ANKRD36: variants seen among roughly 807,000 people sequenced by gnomAD.
ANKRD36 encodes ankyrin repeat domain 36.
In ANKRD36, 179 loss-of-function variants were observed where a neutral mutation model predicts 278.1. The observed-to-expected ratio is 0.64, with a 90% CI of 0.57 to 0.73. ANKRD36 has a LOEUF of 0.73. Among genes scored for constraint, ANKRD36 ranks in the 30% least tolerant of loss-of-function variants. The pLI is 0.00. For synonymous variants in ANKRD36, 320 were observed against 641.1 expected (o/e 0.50, Z 7.57); for missense variants, 1,159 against 1,956.7 (o/e 0.59, Z 7.69).
In ANKRD36 at chr2:97,190,013, G is replaced by A. The variant is rs1400166479; in HGVS notation, c.2245+723G>A. Among the ~76,000 whole-genome samples, 13 of 85,454 alleles carry A rather than the reference G, an allele frequency of 1.5e-4. 2 individuals are homozygous for A. The highest frequency in any genetic ancestry group is 5.3e-4 in the South Asian group (2 of 3,780). The allele number at this position is 85,454 out of a possible 152,430, so 56.1% of individuals were successfully genotyped here. ...TTTTGTTGACTTTACTTATAAAAAT[G>A]AGATAAAGTTGAATATGAATACATT... On this transcript the variant is annotated intron_variant, in intron 34 of 75. Transcript: ENST00000420699.
At chr2:97,137,056 G>A (rs551512565) in intron 6 of ANKRD36, among the ~76,000 whole-genome samples, 3 of 152,108 alleles carry the variant, frequency 2.0e-5, no homozygotes, top group African/African-American at 4.8e-5. Flanking sequence ...CTAAAGAACT[G>A]CTTTGTAACA....
chr2:97,180,864 C>A (rs1213431321), intron 24 of ANKRD36, among the ~76,000 whole-genome samples: 2 of 151,594 alleles, frequency 1.3e-5, no homozygotes, highest in South Asian at 2.1e-4. Context: ...TTATTAATAT[C>A]TAATGCTTGT....
chr2:97,220,545 T>C (rs1576252440), intron 66 of ANKRD36, among the ~76,000 whole-genome samples: 1 of 151,472 alleles, frequency 6.6e-6, no homozygotes, highest in Admixed American at 6.6e-5. Context: ...TCCTGTTCCA[T>C]CCATGTCATT....
intron 50 of ANKRD36, among the ~76,000 whole-genome samples, chr2:97,205,584 G>A (rs1444424507): frequency 1.3e-5 from 2 of 151,526 alleles, no homozygotes; most frequent in Admixed American, 1.3e-4. Context: ...GTGGGATCAT[G>A]TAGCACCTGC....
At chr2:97,135,786 A>G (rs1173801431) in intron 6 of ANKRD36, among the ~76,000 whole-genome samples, 1 of 151,962 alleles carries the variant, frequency 6.6e-6, no homozygotes. Context: ...AAATTTTGTC[A>G]TACTACTCAG....
At chr2:97,186,211 TTTG>T (rs1431028667) in intron 30 of ANKRD36, among the ~76,000 whole-genome samples, 1 of 151,706 alleles carries the variant, frequency 6.6e-6, no homozygotes, top group African/African-American at 2.4e-5. Context: ...TTTGTTGATT[TTTG>T]TTATAAAAAT....
intron 5 of ANKRD36, among the ~76,000 whole-genome samples, chr2:97,125,253 G>A (rs1414036902): frequency 6.6e-6 from 1 of 151,330 alleles, no homozygotes; most frequent in East Asian, 1.9e-4. Flanking sequence ...TCCATAAAAA[G>A]GCTTCAAAGT....
chr2:97,213,012 C>A, intron 58 of ANKRD36: 1 of 408,902 alleles, frequency 2.4e-6, no homozygotes, highest in Non-Finnish European at 4.4e-6. Flanking sequence ...AATGTTTGTA[C>A]TATAATGGTG....
chr2:97,206,106 A>G lies in ANKRD36; in HGVS notation c.3134A>G (p.Glu1045Gly), dbSNP rs1472512817. ...EEDSVLSIARENKDGEKSRTV... is the reference protein window; with the variant it reads ...EEDSVLSIARGNKDGEKSRTV... ...GATTCTGTTTTGAGTATAGCCAGAGAAAACAAGGATGGAGAAAAATCTAGG... is the reference window on the plus strand; with the variant it reads ...GATTCTGTTTTGAGTATAGCCAGAGGAAACAAGGATGGAGAAAAATCTAGG... The change falls in exon 52 of 76, where the codon GAA (glutamate) becomes GGA (glycine). Residue 1045 changes from glutamate (E) to glycine (G), a missense_variant. Transcript: ENST00000420699. 2.6e-6 allele frequency: 4 copies of G among 1,547,154 alleles called. No homozygotes were observed. The Admixed American group carries it at 5.9e-5, about 23-fold the overall frequency.
chr2:97,193,012 G>C lies in ANKRD36; in HGVS notation c.2408G>C (p.Ser803Thr). The change falls in exon 38 of 76, where the codon AGT (serine) becomes ACT (threonine). Residue 803 changes from serine (S) to threonine (T), a missense_variant. Transcript: ENST00000420699. ...AGTGACGAGGAAGGTTCTGTTTTGA[G>C]TATAGCCAGAGAAAACAAGGATGGA... ...ATSDEEGSVL[S>T]IARENKDGEK... 6.4e-7 allele frequency: 1 copy of C among 1,572,570 alleles called. No homozygotes were observed. Among genetic ancestry groups the C allele is most frequent in the Non-Finnish European group, 8.6e-7 (1 of 1,160,336 alleles).
chr2:97,183,449 T>C lies in ANKRD36; in HGVS notation c.1838-10T>C. ...CATATGATGGATTATATATTTCTTT[T>C]ACTTTTCAGTGTCTCCTCAGAAACA... is the stretch of plus-strand genomic sequence containing the variant. On this transcript the variant is annotated splice_polypyrimidine_tract_variant and intron_variant, in intron 26 of 75. Coordinates refer to ENST00000420699, the MANE Select transcript of ANKRD36 (RefSeq NM_001354587.1). 6.4e-7 allele frequency: 1 copy of C among 1,554,382 alleles called. No individual in the cohort carries two copies. The highest frequency in any genetic ancestry group is 8.7e-7 in the Non-Finnish European group (1 of 1,147,688).
chr2:97,114,505 TA>T (rs1235380062), intron 1 of ANKRD36, among the ~76,000 whole-genome samples: 2 of 128,874 alleles, frequency 1.6e-5, no homozygotes, highest in African/African-American at 6.0e-5. Flanking sequence ...GCTGCTTCTT[TA>T]TAAATCATTT....
chr2:97,153,607 A>C (rs1465352126), intron 14 of ANKRD36, among the ~76,000 whole-genome samples: 1 of 147,112 alleles, frequency 6.8e-6, no homozygotes, highest in Non-Finnish European at 1.5e-5. Context: ...CAGGTTTCTT[A>C]GTTCAAAACG....
At chr2:97,206,414 T>G (rs1160367761) in intron 52 of ANKRD36, among the ~76,000 whole-genome samples, 2 of 151,482 alleles carry the variant, frequency 1.3e-5, no homozygotes, top group Non-Finnish European at 3.0e-5. Flanking sequence ...ATAGTTTTGC[T>G]TTAATCCTCC....
chr2:97,186,969 C>T (rs879572370), intron 30 of ANKRD36, among the ~76,000 whole-genome samples: 9 of 151,756 alleles, frequency 5.9e-5, no homozygotes, highest in South Asian at 2.1e-4. Context: ...TTTAGATATA[C>T]GAGAAATCAT....
At chr2:97,230,634 C>T (rs1354537128) in intron 67 of ANKRD36, among the ~76,000 whole-genome samples, 2 of 152,114 alleles carry the variant, frequency 1.3e-5, no homozygotes. Context: ...CTTCTTCTCT[C>T]AACTCGTCAA....
intron 41 of ANKRD36, 26 bp downstream of exon 41, chr2:97,196,647 G>A (rs2059848831): frequency 6.2e-7 from 1 of 1,602,898 alleles, no homozygotes. Context: ...TTTATCATGT[G>A]AACGAGTTAA....
intron 4 of ANKRD36, among the ~76,000 whole-genome samples, chr2:97,123,880 A>G (rs2037712484): frequency 6.8e-6 from 1 of 146,808 alleles, no homozygotes; most frequent in South Asian, 2.1e-4. Context: ...TTTATAGATT[A>G]TATATACTAA....
chr2:97,209,756 A>G (rs2063867081), intron 55 of ANKRD36, 44 bp from the exon 56 acceptor site: 3 of 1,585,208 alleles, frequency 1.9e-6, no homozygotes, highest in South Asian at 2.2e-5. Context: ...CGTATAGCCT[A>G]TGAAAGATAC....
Sources: allele counts gnomAD v4.1 joint callset (sites outside exome capture counted in the v4.1 genomes callset), GRCh38; gene constraint gnomAD v4.1.1; transcripts MANE v1.5; gene names NCBI Gene and HGNC (gene_info 2026-07-23, HGNC 2026-07-21).